ATP2C1: variants seen among roughly 807,000 people sequenced by gnomAD.
ATP2C1 encodes ATPase secretory pathway Ca2+ transporting 1.
ATP2C1 carries 31 observed loss-of-function variants against 120.5 expected under a neutral mutation model. The ratio of observed to expected loss-of-function variants is 0.26; its 90% CI spans 0.19 to 0.35. The LOEUF is 0.35. ATP2C1 is among the 10% of genes least tolerant of loss of function. The pLI, the probability that ATP2C1 is intolerant of heterozygous loss-of-function variation, is 1.00. For missense variants in ATP2C1, 731 were observed against 1,107.5 expected (o/e 0.66, Z 4.83); for synonymous variants, 351 against 358.7 (o/e 0.98, Z 0.24).
upstream of ATP2C1, among the ~76,000 whole-genome samples, chr3:130,889,308 C>A (rs552373080): frequency 2.0e-5 from 3 of 152,166 alleles, no homozygotes; most frequent in Non-Finnish European, 1.5e-5. Flanking sequence ...TTTTTCTCAT[C>A]ATTTAATGAA....
intron 2 of ATP2C1, among the ~76,000 whole-genome samples, chr3:130,909,596 C>T (rs2058294350): frequency 6.6e-6 from 1 of 152,112 alleles, no homozygotes; most frequent in Admixed American, 6.6e-5. Context: ...TGAATATAGA[C>T]TTCTCAAGGT....
chr3:130,997,777 ATAT>A, intron 25 of ATP2C1, 24 bp downstream of exon 25: 5 of 1,611,468 alleles, frequency 3.1e-6, no homozygotes, highest in Non-Finnish European at 4.2e-6. Flanking sequence ...CCAAGCTGCT[ATAT>A]TAACATGAAT....
chr3:130,931,103 T>C (rs16835377), intron 3 of ATP2C1, among the ~76,000 whole-genome samples: 10,347 of 152,130 alleles, frequency 0.068, 1,129 homozygotes, highest in African/African-American at 0.23. Flanking sequence ...ATCTTAGTGA[T>C]AGCATTAAAA....
At chr3:130,873,246 A>G (rs2068492239) in intron 1 of ATP2C1, among the ~76,000 whole-genome samples, 1 of 152,230 alleles carries the variant, frequency 6.6e-6, no homozygotes, top group African/African-American at 2.4e-5. Flanking sequence ...TTGTGGAAAC[A>G]TTGAGGGATG....
chr3:131,011,391 TC>T (rs1434350635), intron 26 of ATP2C1, among the ~76,000 whole-genome samples: 1 of 152,258 alleles, frequency 6.6e-6, no homozygotes, highest in African/African-American at 2.4e-5. Flanking sequence ...TGCCCAGAGT[TC>T]CTTTTGTTAC....
intron 20 of ATP2C1, among the ~76,000 whole-genome samples, chr3:130,991,889 G>A (rs1212473960): frequency 3.3e-5 from 5 of 152,178 alleles, no homozygotes; most frequent in Non-Finnish European, 1.5e-5. Context: ...CAAGGTGGTC[G>A]GCTGAGAAGG....
At chr3:131,009,367 A>T (rs1482987646) in intron 26 of ATP2C1, among the ~76,000 whole-genome samples, 1 of 152,226 alleles carries the variant, frequency 6.6e-6, no homozygotes, top group South Asian at 2.1e-4. Flanking sequence ...AAATATATTT[A>T]TATTTTGAGA....
At chr3:130,883,477 TC>T (rs201846496) in intron 1 of ATP2C1, among the ~76,000 whole-genome samples, 1,448 of 17,448 alleles carry the variant, frequency 0.083, 19 homozygotes, top group African/African-American at 0.15. Flanking sequence ...TTTTTTTTTT[TC>T]TCCACAGAGT....
chr3:130,879,357 A>G (rs2068710470), intron 1 of ATP2C1, among the ~76,000 whole-genome samples: 1 of 152,112 alleles, frequency 6.6e-6, no homozygotes, highest in South Asian at 2.1e-4. Context: ...GTGAATCACC[A>G]TGCCTGGCTG....
intron 2 of ATP2C1, among the ~76,000 whole-genome samples, chr3:130,914,971 T>C (rs1398774183): frequency 1.3e-5 from 2 of 152,230 alleles, no homozygotes; most frequent in African/African-American, 2.4e-5. Context: ...AGTTGGATTG[T>C]TGAATCTTCT....
At chr3:130,983,329 A>C (rs1367270095) in intron 20 of ATP2C1, among the ~76,000 whole-genome samples, 1 of 152,202 alleles carries the variant, frequency 6.6e-6, no homozygotes, top group Non-Finnish European at 1.5e-5. Context: ...ATTTCTTAGC[A>C]GTGTTAGATT....
intron 20 of ATP2C1, among the ~76,000 whole-genome samples, chr3:130,989,643 A>G (rs1451743170): frequency 6.6e-6 from 1 of 150,612 alleles, no homozygotes; most frequent in Non-Finnish European, 1.5e-5. Flanking sequence ...AGCCCGTTCT[A>G]CTCTATGGAG....
In ATP2C1 at chr3:130,972,078, C is replaced by T. The variant is rs76725014; in HGVS notation, c.1413+2682C>T. On this transcript the variant is annotated intron_variant, in intron 17 of 27. Transcript: ENST00000510168. ...GGCAGGGGATGGTTTTGCGATGACA[C>T]TGGTCCACCTCAGATCCTCAGGCAT... Among the ~76,000 whole-genome samples the T allele has an allele frequency of 8.5e-5, 13 of 152,316 alleles. No homozygotes were observed. The East Asian group carries it at 2.5e-3, about 29-fold the overall frequency.
intron 1 of ATP2C1, among the ~76,000 whole-genome samples, chr3:130,874,564 A>G (rs2068539862): frequency 6.6e-6 from 1 of 152,244 alleles, no homozygotes; most frequent in Non-Finnish European, 1.5e-5. Context: ...TCTATCAATT[A>G]AGATTCTTCT....
At chr3:130,908,256 G>A (rs1156953439) in intron 2 of ATP2C1, among the ~76,000 whole-genome samples, 1 of 152,054 alleles carries the variant, frequency 6.6e-6, no homozygotes. Flanking sequence ...CAAGAAGTTT[G>A]TACAGGATGT....
upstream of ATP2C1, among the ~76,000 whole-genome samples, chr3:130,890,646 G>A (rs1019373648): frequency 3.9e-5 from 6 of 152,164 alleles, no homozygotes; most frequent in African/African-American, 1.2e-4. Flanking sequence ...CCAAACACAA[G>A]TAGCTCATAT....
At chr3:130,879,612 T>C (rs1299095437) in intron 1 of ATP2C1, among the ~76,000 whole-genome samples, 1 of 152,244 alleles carries the variant, frequency 6.6e-6, no homozygotes, top group Non-Finnish European at 1.5e-5. Flanking sequence ...TGCTTTTTCA[T>C]GTTATTTTGT....
chr3:130,950,420 G>C (rs2060321936), intron 8 of ATP2C1, among the ~76,000 whole-genome samples: 1 of 152,064 alleles, frequency 6.6e-6, no homozygotes, highest in Non-Finnish European at 1.5e-5. Flanking sequence ...CCTCTCTCAT[G>C]AATGCAATGA....
At chr3:130,973,495 C>T (rs558717734) in intron 17 of ATP2C1, among the ~76,000 whole-genome samples, 7 of 152,012 alleles carry the variant, frequency 4.6e-5, no homozygotes, top group Middle Eastern at 3.4e-3. Context: ...TTATATATAC[C>T]GTGTTTTTTT....
Sources: allele counts gnomAD v4.1 joint callset (sites outside exome capture counted in the v4.1 genomes callset), GRCh38; gene constraint gnomAD v4.1.1; transcripts MANE v1.5; gene names NCBI Gene and HGNC (gene_info 2026-07-23, HGNC 2026-07-21).